The following TXLNG variants were observed in gnomAD, a reference collection of about 807,000 sequenced individuals.
The protein encoded by TXLNG is taxilin gamma, also known as gamma-taxilin.
TXLNG carries 5 observed loss-of-function variants against 38.8 expected under a neutral mutation model. That is an observed-to-expected ratio of 0.13 (90% CI 0.07 to 0.27). TXLNG has a LOEUF of 0.27. TXLNG is among the 10% of genes least tolerant of loss of function. The probability of loss-of-function intolerance (pLI) is 1.00; values close to 1 mark genes in which losing one functional copy is unlikely to be tolerated. For missense variants in TXLNG, 393 were observed against 398.2 expected (o/e 0.99, Z 0.11); for synonymous variants, 182 against 158.2 (o/e 1.15, Z -1.13).
intron 1 of TXLNG, among the ~76,000 whole-genome samples, chrX:16,792,740 C>T (rs959799362): frequency 8.3e-5 from 9 of 109,015 alleles, no homozygotes; most frequent in African/African-American, 3.0e-4. Flanking sequence ...ACGATTGGGC[C>T]ACTGCTCTAG....
intron 1 of TXLNG, among the ~76,000 whole-genome samples, chrX:16,790,737 ACT>A (rs1439177701): frequency 8.9e-6 from 1 of 111,800 alleles, no homozygotes; most frequent in African/African-American, 3.2e-5. Context: ...ACATACATTA[ACT>A]CTTTCAGCAC....
chrX:16,827,265 T>TTAAA (rs2147489764), intron 3 of TXLNG, among the ~76,000 whole-genome samples: 1 of 111,606 alleles, frequency 9.0e-6, no homozygotes, highest in Non-Finnish European at 1.9e-5. Context: ...AAATTGATTG[T>TTAAA]TAAAATATTT....
chrX:16,819,573 C>T (rs1230250621), intron 2 of TXLNG, among the ~76,000 whole-genome samples: 2 of 111,632 alleles, frequency 1.8e-5, no homozygotes, highest in Admixed American at 1.9e-4. Flanking sequence ...CCTCTCTCTG[C>T]CAAAGTCCTT....
chrX:16,794,365 A>G (rs944945241), intron 1 of TXLNG, among the ~76,000 whole-genome samples: 4 of 111,803 alleles, frequency 3.6e-5, no homozygotes, highest in African/African-American at 9.7e-5. Flanking sequence ...TAATTTGGGG[A>G]CCAGAGGAGT....
intron 1 of TXLNG, among the ~76,000 whole-genome samples, chrX:16,804,975 C>CT (rs1928272530): frequency 1.1e-4 from 1 of 9,414 alleles, no homozygotes; most frequent in Non-Finnish European, 1.6e-4. Context: ...CTGCCCACCC[C>CT]CCCCCCCCGC....
In TXLNG at chrX:16,841,591, A is replaced by C. The variant is rs1373208225; in HGVS notation, c.1412A>C (p.Asp471Ala). The change falls in exon 10 of 10, where the codon GAT becomes GCT. Residue 471 changes from aspartate to alanine, a missense_variant. Transcript: ENST00000380122. ...GCGGCCATCAAAGCGGCGAACAGGG[A>C]TTTAGCAACACCTGTGATGCAGCCC... ...IKAAIKAANR[D>A]LATPVMQPCT... 5.0e-6 allele frequency: 6 copies of C among 1,211,451 alleles called. No homozygotes were observed. Among genetic ancestry groups the C allele is most frequent in the Non-Finnish European group, 6.7e-6 (6 of 895,491 alleles).
At chrX:16,792,507 A>G (rs949014459) in intron 1 of TXLNG, among the ~76,000 whole-genome samples, 10 of 111,388 alleles carry the variant, frequency 9.0e-5, no homozygotes, top group Admixed American at 2.9e-4. Flanking sequence ...TGGGCCAGGC[A>G]TGGTGGCTCA....
chrX:16,832,626 A>G lies in TXLNG; in HGVS notation c.868A>G (p.Ile290Val). The G allele has an allele frequency of 1.7e-6, 2 of 1,211,200 alleles. No individual in the cohort carries two copies. Among genetic ancestry groups the G allele is most frequent in the South Asian group, 3.5e-5 (2 of 56,909 alleles). The change falls in exon 6 of 10, where the codon ATT becomes GTT. Residue 290 changes from isoleucine to valine, a missense_variant. Ile to Val is a conservative substitution (Grantham distance 29). Transcript: ENST00000380122. ...AGAAACTCTCCTTTTCCCATAGCAC[A>G]TTGATAAGGTGTTCAAACATAAGGA... Reference protein sequence around the residue: ...IEQYALREEHIDKVFKHKELQ... With the variant: ...IEQYALREEHVDKVFKHKELQ...
Position 16,818,492 on chromosome X carries a change from A to G in TXLNG, c.103-82A>G, listed in dbSNP as rs189069245. 9.0e-4 allele frequency: 955 copies of G among 1,061,246 alleles called. 2 individuals carry two copies. Among genetic ancestry groups the G allele is most frequent in the Middle Eastern group, 7.2e-3 (19 of 2,623 alleles). 87.5% of individuals were successfully genotyped at this position (1,061,246 alleles called of 1,213,427 possible). A position where few individuals can be genotyped will look rare whatever the true frequency, so the allele number is the denominator to read the frequency against. ...CTAAGGAAGAAAAAACTATCAGGCTATGATGTTCCATTGCTTGTAAACATT... is the reference window on the plus strand; with the variant it reads ...CTAAGGAAGAAAAAACTATCAGGCTGTGATGTTCCATTGCTTGTAAACATT... On this transcript the variant is annotated intron_variant, in intron 1 of 9. Transcript: ENST00000380122.
At chrX:16,829,935 A>C (rs1228905818) in intron 5 of TXLNG, among the ~76,000 whole-genome samples, 165 bp downstream of exon 5, 1 of 110,712 alleles carries the variant, frequency 9.0e-6, no homozygotes. Flanking sequence ...TGAGATCATC[A>C]CTTGATGTCC....
intron 1 of TXLNG, among the ~76,000 whole-genome samples, chrX:16,812,850 C>T (rs987032722): frequency 5.6e-5 from 6 of 107,929 alleles, no homozygotes; most frequent in African/African-American, 2.0e-4. Context: ...TACAGGCTTG[C>T]ATCACCACGC....
At chrX:16,811,708 C>G (rs1294407008) in intron 1 of TXLNG, among the ~76,000 whole-genome samples, 1 of 106,499 alleles carries the variant, frequency 9.4e-6, no homozygotes, top group Non-Finnish European at 1.9e-5. Context: ...CCGATCTCGG[C>G]TCAGTGCAAC....
chrX:16,803,729 A>G (rs1234994889), intron 1 of TXLNG, among the ~76,000 whole-genome samples: 5 of 107,346 alleles, frequency 4.7e-5, no homozygotes, highest in African/African-American at 6.7e-5. Context: ...CGAGGCGGGC[A>G]GATCACGAGG....
At chrX:16,809,843 T>G (rs1455349001) in intron 1 of TXLNG, among the ~76,000 whole-genome samples, 3 of 112,080 alleles carry the variant, frequency 2.7e-5, no homozygotes, top group African/African-American at 9.7e-5. Flanking sequence ...GTACATTCTG[T>G]TTTGTAATTC....
At position 16,832,610 on chromosome X, in the gene TXLNG, C is replaced by T. The variant is rs1929451370; in HGVS notation, c.865-13C>T. ...TTTGGTGAGTGATGGAAGAAACTCT[C>T]CTTTTCCCATAGCACATTGATAAGG... is the stretch of plus-strand genomic sequence containing the variant. On this transcript the variant is annotated splice_polypyrimidine_tract_variant and intron_variant, in intron 5 of 9. Transcript: ENST00000380122. 2 of 1,210,999 alleles carry T rather than the reference C, an allele frequency of 1.7e-6. No homozygotes were observed. Among genetic ancestry groups the T allele is most frequent in the Non-Finnish European group, 2.2e-6 (2 of 895,251 alleles).
At chrX:16,816,508 C>T (rs942024562) in intron 1 of TXLNG, among the ~76,000 whole-genome samples, 6 of 112,373 alleles carry the variant, frequency 5.3e-5, no homozygotes, top group South Asian at 3.6e-4. Context: ...TTATGGGTTA[C>T]GCTTGAGAAA....
intron 7 of TXLNG, among the ~76,000 whole-genome samples, chrX:16,836,304 T>G (rs1929590258): frequency 8.9e-6 from 1 of 112,154 alleles, no homozygotes; most frequent in African/African-American, 3.2e-5. Flanking sequence ...CCTCAGGCAC[T>G]AATACTGCTC....
In TXLNG at chrX:16,841,726, C is replaced by A. The variant is rs771718825; in HGVS notation, c.1547C>A (p.Pro516Gln). 1 of 1,209,862 alleles carries A rather than the reference C, an allele frequency of 8.3e-7. No individual in the cohort carries two copies. The highest frequency in any genetic ancestry group is 1.7e-5 in the African/African-American group (1 of 57,162). Residue 516 changes from proline (P) to glutamine (Q), a missense_variant, in exon 10 of 10, where the codon CCG becomes CAG. Coordinates refer to ENST00000380122, the MANE Select transcript of TXLNG (RefSeq NM_018360.3). ...CAGAGAAGCGCTGTGCAAAAGCCCC[C>A]GTCCACAGGCTCTGCTCCGGCCATC... ...KSQRSAVQKPPSTGSAPAIES... is the reference protein window; with the variant it reads ...KSQRSAVQKPQSTGSAPAIES...
intron 7 of TXLNG, among the ~76,000 whole-genome samples, chrX:16,836,588 C>T (rs1929600452): frequency 8.9e-6 from 1 of 112,197 alleles, no homozygotes; most frequent in African/African-American, 3.2e-5. Flanking sequence ...TGCTTAAGTG[C>T]TTCCGGGATG....
Sources: allele counts gnomAD v4.1 joint callset (sites outside exome capture counted in the v4.1 genomes callset), GRCh38; gene constraint gnomAD v4.1.1; transcripts MANE v1.5; gene names NCBI Gene and HGNC (gene_info 2026-07-23, HGNC 2026-07-21).